Variants in TDRD9 observed in about 807,000 individuals in gnomAD.
TDRD9 encodes the protein tudor domain containing 9, also known as ATP-dependent RNA helicase TDRD9.
A neutral mutation model predicts 172.6 loss-of-function variants in TDRD9; 124 were observed. The observed-to-expected ratio is 0.72, with a 90% CI of 0.62 to 0.83. TDRD9 has a LOEUF of 0.83. Among genes scored for constraint, TDRD9 ranks in the 40% least tolerant of loss-of-function variants. The pLI is 0.00. For synonymous variants in TDRD9, 619 were observed against 617.1 expected, an observed-to-expected ratio of 1.00 and a Z score of -0.05; for missense variants, 1,479 against 1,714.1, an observed-to-expected ratio of 0.86 and a Z score of 2.42.
At chr14:103,960,743 A>G (rs753070376) in intron 2 of TDRD9, among the ~76,000 whole-genome samples, 3 of 152,228 alleles carry the variant, frequency 2.0e-5, no homozygotes, top group African/African-American at 7.2e-5. Context: ...AGAAGGGGCT[A>G]TGGTATAGAC....
rs149972645 is a variant in TDRD9 at position 104,010,954 on chromosome 14, T to C, written c.2106+2488T>C. ...CAGGGGTGAACTGAAATGTACTGTATGTGTTGTATGTGCTAGACTTTCATA... is the reference window on the plus strand; with the variant it reads ...CAGGGGTGAACTGAAATGTACTGTACGTGTTGTATGTGCTAGACTTTCATA... On this transcript the variant is annotated intron_variant, in intron 20 of 35. Coordinates refer to ENST00000409874, the MANE Select transcript of TDRD9 (RefSeq NM_153046.3). 1.1e-4 allele frequency among the ~76,000 whole-genome samples: 16 copies of C among 152,330 alleles called. No individual in the cohort carries two copies. In the East Asian group the frequency reaches 3.1e-3, roughly 29 times the overall value.
At chr14:104,019,583 C>T (rs115313817) in intron 23 of TDRD9, among the ~76,000 whole-genome samples, 2,511 of 152,212 alleles carry the variant, frequency 0.016, 72 homozygotes, top group African/African-American at 0.058. Flanking sequence ...TGTACCAGTA[C>T]CAGTTCTTGG....
intron 1 of TDRD9, among the ~76,000 whole-genome samples, chr14:103,943,029 A>G (rs1262079697): frequency 6.6e-6 from 1 of 152,032 alleles, no homozygotes; most frequent in Non-Finnish European, 1.5e-5. Flanking sequence ...TCGTAGAAAA[A>G]TCATTTTCGT....
chr14:103,959,456 G>GTGTT (rs1491467601), intron 2 of TDRD9, among the ~76,000 whole-genome samples: 3 of 10,164 alleles, frequency 3.0e-4, no homozygotes, highest in South Asian at 3.1e-3. Flanking sequence ...TCAGGTTATC[G>GTGTT]TGTGTGTGTG....
At chr14:103,951,141 A>C (rs1030261748) in intron 1 of TDRD9, among the ~76,000 whole-genome samples, 2 of 152,102 alleles carry the variant, frequency 1.3e-5, no homozygotes, top group African/African-American at 4.8e-5. Context: ...AAAAACCAAC[A>C]AAAAAAATCC....
intron 7 of TDRD9, among the ~76,000 whole-genome samples, chr14:103,984,975 GC>G (rs2033608776): frequency 6.6e-6 from 1 of 152,180 alleles, no homozygotes; most frequent in Non-Finnish European, 1.5e-5. Flanking sequence ...AGATTTGACT[GC>G]CCTGCTGGAT....
chr14:103,996,397 TA>T (rs1374129119), intron 12 of TDRD9, among the ~76,000 whole-genome samples: 7 of 152,160 alleles, frequency 4.6e-5, no homozygotes, highest in Non-Finnish European at 5.9e-5. Flanking sequence ...GCTTAGCAGG[TA>T]AAAAGGTTTT....
At chr14:103,971,386 C>A (rs538925864) in intron 6 of TDRD9, among the ~76,000 whole-genome samples, 42 of 149,596 alleles carry the variant, frequency 2.8e-4, no homozygotes, top group African/African-American at 9.9e-4. Context: ...CTCACTGCCA[C>A]CTCCGCCTCC....
rs569772232 is a variant in TDRD9 at position 103,928,607 on chromosome 14, C to T, written c.98C>T (p.Pro33Leu). ...VELLGAPPAF[P>L]AGAAREEVQR... ...CTGCTGGGCGCGCCGCCCGCCTTCC[C>T]GGCAGGGGCGGCCAGGGAGGAGGTG... is the stretch of plus-strand genomic sequence containing the variant. The change falls in exon 1 of 36, where the codon CCG becomes CTG. Residue 33 changes from proline (P) to leucine (L), a missense_variant. Transcript: ENST00000409874. The T allele has an allele frequency of 3.4e-5, 45 of 1,331,928 alleles. No homozygotes were observed. In the Middle Eastern group the frequency reaches 1.6e-3, roughly 46 times the overall value. 82.5% of individuals were successfully genotyped at this position (1,331,928 alleles called of 1,614,324 possible).
At chr14:103,968,278 C>G (rs546171495) in intron 5 of TDRD9, among the ~76,000 whole-genome samples, 14 of 152,366 alleles carry the variant, frequency 9.2e-5, no homozygotes, top group African/African-American at 2.9e-4. Context: ...CTGCCTCTGT[C>G]TGGTGCGGTG....
chr14:104,047,577 G>A (rs953038078), intron 34 of TDRD9, among the ~76,000 whole-genome samples: 2 of 151,656 alleles, frequency 1.3e-5, no homozygotes, highest in Non-Finnish European at 2.9e-5. Flanking sequence ...TTTCTGCCTC[G>A]TGCCCGCTCT....
intron 2 of TDRD9, among the ~76,000 whole-genome samples, chr14:103,957,285 G>A (rs1346454488): frequency 2.0e-5 from 3 of 152,174 alleles, no homozygotes; most frequent in Admixed American, 1.3e-4. Context: ...CTCCCTTTCT[G>A]TGTTCTTGCC....
rs1446828986 is a variant in TDRD9, at chr14:103,995,785, C to T, written c.1356C>T (p.Val452=). ...ILSTNIAESS[V]TVPDVKYVID... is the part of the protein sequence containing the mutation. ...CCACCAATATTGCAGAGAGTTCTGT[C>T]ACAGTTCCAGATGTCAAATATGGTA... The change falls in exon 12 of 36, where the codon GTC becomes GTT. Residue 452 remains valine, a synonymous_variant. Transcript: ENST00000409874. 1 of 1,609,116 alleles carries T rather than the reference C, an allele frequency of 6.2e-7. No individual in the cohort carries two copies. Among genetic ancestry groups the T allele is most frequent in the Non-Finnish European group, 8.5e-7 (1 of 1,178,056 alleles).
chr14:103,938,404 GTGTGTGTGTGTA>G (rs1164057464), intron 1 of TDRD9, among the ~76,000 whole-genome samples: 12 of 61,134 alleles, frequency 2.0e-4, no homozygotes, highest in East Asian at 9.6e-4. Context: ...GTGTGTGTGT[GTGTGTGTGTGTA>G]TATATATATA....
intron 7 of TDRD9, among the ~76,000 whole-genome samples, chr14:103,984,668 A>C (rs1461735414): frequency 6.6e-6 from 1 of 152,314 alleles, no homozygotes; most frequent in South Asian, 2.1e-4. Flanking sequence ...AGGGCAGAGC[A>C]GAAGGAAATG....
chr14:104,007,256 AGG>A lies in TDRD9; in HGVS notation c.2052+53_2052+54del. The A allele has an allele frequency of 1.9e-6, 3 of 1,557,942 alleles. No individual in the cohort carries two copies. In the South Asian group the frequency reaches 3.4e-5, roughly 18 times the overall value. On this transcript the variant is annotated intron_variant, in intron 19 of 35. Transcript: ENST00000409874. ...CTAGATGGCTGGGAGTAATGAGAGA[AGG>A]ACTCTGTCTTGGTACAGTCATAGCG...
chr14:103,996,365 C>T (rs1298775028), intron 12 of TDRD9, among the ~76,000 whole-genome samples: 1 of 152,096 alleles, frequency 6.6e-6, no homozygotes, highest in Non-Finnish European at 1.5e-5. Context: ...ATGGCTGCTA[C>T]GTTCTGGTGG....
chr14:104,033,158 A>T (rs568352480), intron 30 of TDRD9, among the ~76,000 whole-genome samples: 48 of 152,320 alleles, frequency 3.2e-4, no homozygotes, highest in Admixed American at 2.2e-3. Context: ...GCATTTTAAA[A>T]TGATGCCTTT....
intron 13 of TDRD9, among the ~76,000 whole-genome samples, chr14:103,999,643 A>ACATTTAATCTTTTAATCTTGCT (rs1566771643): frequency 7.7e-6 from 1 of 130,470 alleles, no homozygotes; most frequent in Non-Finnish European, 1.7e-5. Flanking sequence ...TGTTTTTTAG[A>ACATTTAATCTTTTAATCTTGCT]AAACCTTTTG....
Sources: allele counts gnomAD v4.1 joint callset (sites outside exome capture counted in the v4.1 genomes callset), GRCh38; gene constraint gnomAD v4.1.1; transcripts MANE v1.5; gene names NCBI Gene and HGNC (gene_info 2026-07-23, HGNC 2026-07-21).